FHIT: variants seen among roughly 807,000 people sequenced by gnomAD.
FHIT encodes bis(5'-adenosyl)-triphosphatase.
FHIT carries 19 observed loss-of-function variants against 17.9 expected under a neutral mutation model. The observed-to-expected ratio is 1.06, with a 90% CI of 0.74 to 1.56. The LOEUF (loss-of-function observed/expected upper bound fraction) is 1.56, where lower values mean the gene tolerates loss of function less well. FHIT is among the 40% of genes most tolerant of loss of function. The pLI, the probability that FHIT is intolerant of heterozygous loss-of-function variation, is 0.00. For missense variants in FHIT, 248 were observed against 189.2 expected (o/e 1.31, Z -1.82); for synonymous variants, 81 against 69.7 (o/e 1.16, Z -0.81).
chr3:60,631,320 T>C (rs2039436215), intron 4 of FHIT, among the ~76,000 whole-genome samples: 1 of 152,200 alleles, frequency 6.6e-6, no homozygotes, highest in South Asian at 2.1e-4. Context: ...TTAGACCATA[T>C]GACTGAAACC....
At chr3:61,085,515 T>C (rs1361782660) in intron 2 of FHIT, among the ~76,000 whole-genome samples, 1 of 152,148 alleles carries the variant, frequency 6.6e-6, no homozygotes, top group Non-Finnish European at 1.5e-5. Flanking sequence ...ATATTCTTGA[T>C]ATTAAATGCT....
intron 4 of FHIT, chr3:60,690,235 C>A (rs2040954630): frequency 5.7e-6 from 3 of 527,000 alleles, no homozygotes. Flanking sequence ...TTAGAGCTGT[C>A]CACAGTCAGC....
chr3:60,464,636 TTTCAC>T (rs771281394), intron 5 of FHIT, among the ~76,000 whole-genome samples: 2 of 152,140 alleles, frequency 1.3e-5, no homozygotes, highest in East Asian at 3.9e-4. Context: ...GCCTGGCTTA[TTTCAC>T]TTAACACAAT....
chr3:60,477,946 G>A (rs1428649521), intron 5 of FHIT, among the ~76,000 whole-genome samples: 1 of 152,076 alleles, frequency 6.6e-6, no homozygotes, highest in Non-Finnish European at 1.5e-5. Context: ...GCTCACCCCT[G>A]GAAGGAGAAA....
chr3:60,830,453 G>T (rs2106813172), intron 3 of FHIT, among the ~76,000 whole-genome samples: 1 of 152,204 alleles, frequency 6.6e-6, no homozygotes, highest in East Asian at 1.9e-4. Context: ...TACCATTAGA[G>T]ATTTCTCTCA....
intron 5 of FHIT, among the ~76,000 whole-genome samples, chr3:60,467,605 A>G (rs1339692519): frequency 6.6e-6 from 1 of 151,986 alleles, no homozygotes; most frequent in Non-Finnish European, 1.5e-5. Context: ...CATATTGTTT[A>G]ATTTCCATGT....
At chr3:60,503,286 A>G (rs1408230970) in intron 5 of FHIT, among the ~76,000 whole-genome samples, 1 of 152,222 alleles carries the variant, frequency 6.6e-6, no homozygotes, top group African/African-American at 2.4e-5. Context: ...ATTACTATTC[A>G]ATGAGTAGTA....
At chr3:59,989,875 G>T (rs1161058166) in intron 7 of FHIT, among the ~76,000 whole-genome samples, 2 of 152,058 alleles carry the variant, frequency 1.3e-5, no homozygotes, top group Admixed American at 1.3e-4. Flanking sequence ...AGATAAAGAG[G>T]ATTACTTTCC....
chr3:59,987,518 C>G (rs1020079974), intron 7 of FHIT, among the ~76,000 whole-genome samples: 13 of 152,006 alleles, frequency 8.6e-5, no homozygotes, highest in Non-Finnish European at 1.8e-4. Flanking sequence ...CACGTCATGG[C>G]AATGATATCT....
chr3:60,352,826 T>C (rs1699474424), intron 5 of FHIT, among the ~76,000 whole-genome samples: 1 of 152,150 alleles, frequency 6.6e-6, no homozygotes, highest in Non-Finnish European at 1.5e-5. Flanking sequence ...AAAGCATTTC[T>C]TATCAGAGTC....
intron 2 of FHIT, among the ~76,000 whole-genome samples, chr3:61,073,781 A>G (rs773227009): frequency 6.6e-6 from 1 of 152,150 alleles, no homozygotes; most frequent in African/African-American, 2.4e-5. Flanking sequence ...TAATGGCATG[A>G]CTGTAATGAC....
intron 4 of FHIT, among the ~76,000 whole-genome samples, chr3:60,591,036 C>T (rs2734370): frequency 2.0e-5 from 3 of 151,736 alleles, no homozygotes; most frequent in African/African-American, 4.8e-5. Context: ...GCAATAGTAC[C>T]GTTTCTACCT....
At chr3:60,891,417 C>T (rs1553760660) in intron 3 of FHIT, among the ~76,000 whole-genome samples, 1 of 152,124 alleles carries the variant, frequency 6.6e-6, no homozygotes, top group South Asian at 2.1e-4. Context: ...TTTGAACTCT[C>T]ACCAATACTA....
rs1472187531 is a variant in FHIT at position 60,067,648 on chromosome 3, T to C, written c.104-53496A>G. Among the ~76,000 whole-genome samples the C allele has an allele frequency of 2.0e-5, 3 of 152,332 alleles. 1 individual carries two copies. Among genetic ancestry groups the C allele is most frequent in the Middle Eastern group, 6.8e-3 (2 of 294 alleles). On this transcript the variant is annotated intron_variant, in intron 5 of 9. Transcript: ENST00000492590. ...ATTGATCTGGGAAGACCTTGTATCTTGCGAAAGTCACTTCTACAGCAACTC... is the reference window on the plus strand; with the variant it reads ...ATTGATCTGGGAAGACCTTGTATCTCGCGAAAGTCACTTCTACAGCAACTC...
At chr3:60,570,531 C>A (rs2037339144) in intron 4 of FHIT, among the ~76,000 whole-genome samples, 1 of 151,946 alleles carries the variant, frequency 6.6e-6, no homozygotes, top group Non-Finnish European at 1.5e-5. Context: ...CTAAAAAGCT[C>A]CTGGTTAGCC....
chr3:60,660,690 C>A (rs2040219260), intron 4 of FHIT, among the ~76,000 whole-genome samples: 1 of 112,048 alleles, frequency 8.9e-6, no homozygotes, highest in East Asian at 2.6e-4. Context: ...ATTTGCATTT[C>A]TCTGATGGCT....
At chr3:60,506,465 C>T (rs2034734683) in intron 5 of FHIT, among the ~76,000 whole-genome samples, 1 of 152,178 alleles carries the variant, frequency 6.6e-6, no homozygotes, top group Admixed American at 6.6e-5. Flanking sequence ...GTCTGAAAAT[C>T]TCGGACAAGT....
intron 1 of FHIT, among the ~76,000 whole-genome samples, chr3:61,238,938 G>T (rs536425269): frequency 4.2e-4 from 64 of 152,252 alleles, no homozygotes; most frequent in African/African-American, 1.4e-3. Context: ...AGTGGGTATC[G>T]CAGATGCTCT....
intron 8 of FHIT, among the ~76,000 whole-genome samples, chr3:59,804,959 A>G (rs1287928579): frequency 2.0e-5 from 3 of 152,042 alleles, no homozygotes; most frequent in Non-Finnish European, 4.4e-5. Context: ...CTTACTTGGT[A>G]TTGGAGTGCT....
Sources: gnomAD v4.1 joint callset for allele counts (sites outside exome capture counted in the v4.1 genomes callset) on GRCh38, gnomAD v4.1.1 for gene constraint, MANE v1.5 for transcripts, NCBI Gene and HGNC (gene_info 2026-07-23, HGNC 2026-07-21) for gene names.